The following ANKRD22 variants were observed in gnomAD, a reference collection of about 807,000 sequenced individuals.
The protein encoded by ANKRD22 is ankyrin repeat domain 22, also known as ankyrin repeat domain-containing protein 22.
A neutral mutation model predicts 25.7 loss-of-function variants in ANKRD22; 24 were observed. The ratio of observed to expected loss-of-function variants is 0.93; its 90% CI spans 0.68 to 1.31. The LOEUF (loss-of-function observed/expected upper bound fraction) is 1.31, where lower values mean the gene tolerates loss of function less well. ANKRD22 is among the 50% of genes most tolerant of loss of function. The pLI is 0.00. For synonymous variants in ANKRD22, 84 were observed against 84.3 expected, an observed-to-expected ratio of 1.00 and a Z score of 0.02; for missense variants, 214 against 227.1, an observed-to-expected ratio of 0.94 and a Z score of 0.37.
At position 88,821,989 on chromosome 10, in the gene ANKRD22, A is replaced by G. The variant is rs79935860; in HGVS notation, c.*952T>C. The G allele has an allele frequency of 3.0e-4, 45 of 152,352 alleles. 1 individual carries two copies. In the East Asian group the frequency reaches 8.1e-3, roughly 27 times the overall value. The allele number at this position is 152,352 out of a possible 1,614,324, so 9.4% of individuals were successfully genotyped here. ...CTTTATCCAAATAAGTTACAATAAT[A>G]TTTTACATCTATCAATAAAATAAAC... On this transcript the variant is annotated 3_prime_UTR_variant, in exon 6 of 6. Transcript: ENST00000371930.
At chr10:88,831,309 C>T (rs1278136409) in intron 2 of ANKRD22, among the ~76,000 whole-genome samples, 1 of 152,220 alleles carries the variant, frequency 6.6e-6, no homozygotes, top group African/African-American at 2.4e-5. Flanking sequence ...ATATTCTTTA[C>T]ACCTTTTTGT....
Position 88,826,049 on chromosome 10 carries a change from C to T in ANKRD22, c.388G>A (p.Ala130Thr). Reference protein sequence around the residue: ...MLLDAGVEVNATDCYGCTALH... With the variant: ...MLLDAGVEVNTTDCYGCTALH... ...AAGTATAAACTTACACAATCTGTAG[C>T]ATTAACTTCGACGCCAGCATCAAGT... The change falls in exon 4 of 6, where the codon GCT becomes ACT. Residue 130 changes from alanine (A) to threonine (T), a missense_variant. Physicochemically the swap from Ala to Thr is moderately conservative, Grantham distance 58. Transcript: ENST00000371930. 2 of 1,611,726 alleles carry T rather than the reference C, an allele frequency of 1.2e-6. No homozygotes were observed. Among genetic ancestry groups the T allele is most frequent in the Non-Finnish European group, 1.7e-6 (2 of 1,178,518 alleles).
At chr10:88,833,174 T>C (rs750869578) in intron 1 of ANKRD22, among the ~76,000 whole-genome samples, 18 of 152,206 alleles carry the variant, frequency 1.2e-4, no homozygotes, top group Non-Finnish European at 2.2e-4. Flanking sequence ...CCCCATTTTA[T>C]TTACTGCTAT....
At chr10:88,842,989 CT>C (rs2133080316) in intron 1 of ANKRD22, among the ~76,000 whole-genome samples, 1 of 152,030 alleles carries the variant, frequency 6.6e-6, no homozygotes, top group East Asian at 1.9e-4. Flanking sequence ...TATTTTTTTC[CT>C]CTCTGGTCCT....
At chr10:88,825,003 TCTCTCTCTCACA>T (rs1259766727) in intron 4 of ANKRD22, among the ~76,000 whole-genome samples, 6 of 91,164 alleles carry the variant, frequency 6.6e-5, no homozygotes, top group African/African-American at 1.3e-4. Flanking sequence ...TCTCTCTCTC[TCTCTCTCTCACA>T]CACACACACA....
intron 1 of ANKRD22, among the ~76,000 whole-genome samples, chr10:88,850,005 GTTT>G (rs769187545): frequency 7.2e-6 from 1 of 139,064 alleles, no homozygotes; most frequent in Non-Finnish European, 1.6e-5. Context: ...ATTGGGGGAA[GTTT>G]TTTTTTTTTT....
rs1359980790 is a variant in ANKRD22 at position 88,822,979 on chromosome 10, A to T, written c.538T>A (p.Phe180Ile). 37 of 1,613,542 alleles carry T rather than the reference A, an allele frequency of 2.3e-5. No homozygotes were observed. Among genetic ancestry groups the T allele is most frequent in the Non-Finnish European group, 3.1e-5 (37 of 1,179,652 alleles). Residue 180 changes from phenylalanine (F) to isoleucine (I), a missense_variant, in exon 6 of 6, where the codon TTT (phenylalanine) becomes ATT (isoleucine). Coordinates refer to ENST00000371930, the MANE Select transcript of ANKRD22 (RefSeq NM_144590.3). ...SSLDIARRLKFSQIELMLRKA... is the reference protein window; with the variant it reads ...SSLDIARRLKISQIELMLRKA... Reference sequence around the variant, plus strand: ...CTTAGCATTAATTCAATCTGGGAAAATTTTAATCTCCGTGCAATATCCAGT... The same window carrying T: ...CTTAGCATTAATTCAATCTGGGAAATTTTTAATCTCCGTGCAATATCCAGT...
chr10:88,844,229 A>G (rs1353868260), intron 1 of ANKRD22, among the ~76,000 whole-genome samples: 5 of 152,152 alleles, frequency 3.3e-5, no homozygotes, highest in Non-Finnish European at 4.4e-5. Context: ...GAATAGCAGG[A>G]AGGTCAGCAT....
chr10:88,840,771 C>T (rs1843996595), intron 1 of ANKRD22, among the ~76,000 whole-genome samples: 1 of 152,092 alleles, frequency 6.6e-6, no homozygotes, highest in Non-Finnish European at 1.5e-5. Context: ...ATAATAAAAA[C>T]CTATTGGGTT....
Position 88,831,824 on chromosome 10 carries a change from C to A in ANKRD22, c.213+11G>T. The A allele has an allele frequency of 1.3e-6, 2 of 1,596,988 alleles. No individual in the cohort carries two copies. Among genetic ancestry groups the A allele is most frequent in the South Asian group, 2.3e-5 (2 of 88,322 alleles). ...GAACAATTACACTCTCCATTCATGT[C>A]ATGACCTCACCTGGTTTTTGAGGTT... is the stretch of plus-strand genomic sequence containing the variant. On this transcript the variant is annotated intron_variant, in intron 2 of 5. Coordinates refer to ENST00000371930, the MANE Select transcript of ANKRD22 (RefSeq NM_144590.3).
At chr10:88,827,874 G>T (rs901883668) in intron 3 of ANKRD22, among the ~76,000 whole-genome samples, 1 of 152,126 alleles carries the variant, frequency 6.6e-6, no homozygotes, top group Non-Finnish European at 1.5e-5. Context: ...AAGTGGAACT[G>T]GGCACAAAGG....
In ANKRD22 at chr10:88,828,752, T is replaced by A. The variant is rs563522964; in HGVS notation, c.214-86A>T. 69 of 1,022,072 alleles carry A rather than the reference T, an allele frequency of 6.8e-5. No individual in the cohort carries two copies. The African/African-American group carries it at 1.1e-3, about 16-fold the overall frequency. The allele number at this position is 1,022,072 out of a possible 1,614,324, so 63.3% of individuals were successfully genotyped here. On this transcript the variant is annotated intron_variant, in intron 2 of 5. Coordinates refer to ENST00000371930, the MANE Select transcript of ANKRD22 (RefSeq NM_144590.3). ...TGGCCATCTCAAAAAGTTTAGTTTG[T>A]GCTTTTTGTTTTTCCGGTACCCATG...
intron 1 of ANKRD22, among the ~76,000 whole-genome samples, chr10:88,842,750 A>C (rs1844013848): frequency 6.6e-6 from 1 of 152,158 alleles, no homozygotes; most frequent in Admixed American, 6.6e-5. Context: ...GTGAACCTAT[A>C]AAAACAACTA....
At chr10:88,828,147 G>A (rs905639902) in intron 3 of ANKRD22, among the ~76,000 whole-genome samples, 1 of 152,098 alleles carries the variant, frequency 6.6e-6, no homozygotes, top group Non-Finnish European at 1.5e-5. Context: ...TTTAGGATCT[G>A]TTTTTCAACA....
chr10:88,826,206 A>G, intron 3 of ANKRD22, 91 bp from the exon 4 acceptor site: 1 of 1,076,610 alleles, frequency 9.3e-7, no homozygotes, highest in Non-Finnish European at 1.4e-6. Flanking sequence ...GCTTCATTTT[A>G]ATCCCAACAC....
chr10:88,828,551 G>C lies in ANKRD22; in HGVS notation c.321+8C>G. ...ATTTGCCCTTTGCTCTACAAGTGTT[G>C]TACTCACCATGAGGAAATACCCAAT... On this transcript the variant is annotated splice_region_variant and intron_variant, in intron 3 of 5. Coordinates refer to ENST00000371930, the MANE Select transcript of ANKRD22 (RefSeq NM_144590.3). The C allele has an allele frequency of 6.4e-7, 1 of 1,574,616 alleles. No homozygotes were observed. The highest frequency in any genetic ancestry group is 1.3e-5 in the African/African-American group (1 of 74,074).
chr10:88,843,058 C>T (rs1218889164), intron 1 of ANKRD22, among the ~76,000 whole-genome samples: 1 of 152,098 alleles, frequency 6.6e-6, no homozygotes, highest in African/African-American at 2.4e-5. Flanking sequence ...CACTACTTCC[C>T]AGGTAGGGGC....
At chr10:88,824,323 TG>T (rs1843833315) in intron 4 of ANKRD22, among the ~76,000 whole-genome samples, 2 of 152,244 alleles carry the variant, frequency 1.3e-5, no homozygotes, top group Non-Finnish European at 1.5e-5. Context: ...ACCATGGTGC[TG>T]GTGAGTGAAG....
chr10:88,851,510 G>C (rs548793503), intron 1 of ANKRD22, 77 bp downstream of exon 1: 3 of 1,516,360 alleles, frequency 2.0e-6, no homozygotes, highest in African/African-American at 2.7e-5. Flanking sequence ...TATATTAACA[G>C]GGATAGAAAA....
Sources: allele counts gnomAD v4.1 joint callset (sites outside exome capture counted in the v4.1 genomes callset), GRCh38; gene constraint gnomAD v4.1.1; transcripts MANE v1.5; gene names NCBI Gene and HGNC (gene_info 2026-07-23, HGNC 2026-07-21).